The following SATL1 variants were observed in gnomAD, a reference collection of about 807,000 sequenced individuals.
SATL1 encodes spermidine/spermine N1-acetyl transferase like 1.
In SATL1, 47 loss-of-function variants were observed where a neutral mutation model predicts 51.8. That is an observed-to-expected ratio of 0.91 (90% CI 0.72 to 1.16). The LOEUF is 1.16. SATL1 is among the 50% of genes most tolerant of loss of function. The pLI is 0.00. For missense variants in SATL1, 520 were observed against 526.4 expected, an observed-to-expected ratio of 0.99 and a Z score of 0.12; for synonymous variants, 176 against 182.4, an observed-to-expected ratio of 0.97 and a Z score of 0.28.
At chrX:85,098,645 T>C (rs947072826) in intron 4 of SATL1, among the ~76,000 whole-genome samples, 1 of 110,884 alleles carries the variant, frequency 9.0e-6, no homozygotes, top group African/African-American at 3.3e-5. Context: ...TAGAAATCAG[T>C]GGGAAAAAAA....
chrX:85,156,140 C>T (rs978222939), intron 2 of SATL1, among the ~76,000 whole-genome samples: 2 of 111,425 alleles, frequency 1.8e-5, no homozygotes, highest in Non-Finnish European at 3.8e-5. Flanking sequence ...CTTAAGTAAA[C>T]CACTTTGAAC....
chrX:85,141,948 T>C (rs1460294941), intron 2 of SATL1, among the ~76,000 whole-genome samples: 1 of 106,535 alleles, frequency 9.4e-6, no homozygotes, highest in African/African-American at 3.4e-5. Flanking sequence ...TATATTTTCA[T>C]AATATTGTAC....
At chrX:85,132,480 G>A (rs1449926936) in intron 2 of SATL1, among the ~76,000 whole-genome samples, 2 of 111,499 alleles carry the variant, frequency 1.8e-5, no homozygotes, top group Non-Finnish European at 3.8e-5. Flanking sequence ...TATTTCTCAT[G>A]CTGTGATTTT....
At chrX:85,217,993 C>T (rs1928085745) in intron 2 of SATL1, among the ~76,000 whole-genome samples, 1 of 111,469 alleles carries the variant, frequency 9.0e-6, no homozygotes, top group African/African-American at 3.3e-5. Context: ...TCACCATTAT[C>T]CTAAGCAAAC....
rs749574125 is a variant in SATL1 at position 85,107,356 on chromosome X, T to C, written c.1613A>G (p.Asp538Gly). 2.6e-5 allele frequency: 32 copies of C among 1,210,637 alleles called. No homozygotes were observed. The Admixed American group carries it at 3.1e-4, about 12-fold the overall frequency. ...AATCAGTCGCAAAATTTCTGGGCAG[T>C]CTCCAGCCTCTGCATGTCTTATTTG... is the stretch of plus-strand genomic sequence containing the variant. ...YFQIRHAEAG[D>G]CPEILRLIKE... Residue 538 changes from aspartate to glycine, a missense_variant, in exon 3 of 8, where the codon GAC becomes GGC. Transcript: ENST00000644105.
chrX:85,180,590 C>A (rs1027823929), intron 2 of SATL1, among the ~76,000 whole-genome samples: 7 of 111,514 alleles, frequency 6.3e-5, no homozygotes, highest in African/African-American at 2.3e-4. Context: ...CCTTATGTGG[C>A]AAATTACTAT....
chrX:85,204,663 G>T lies in SATL1; in HGVS notation c.-313+19542C>A, dbSNP rs983965672. On this transcript the variant is annotated intron_variant, in intron 2 of 7. Coordinates refer to ENST00000644105, the MANE Select transcript of SATL1 (RefSeq NM_001367857.2). ...TGTTGGAGTAATCCTAGAGTAGGGG[G>T]TTGAAGACTAATTACCTCTTTGACT... Among the ~76,000 whole-genome samples the T allele has an allele frequency of 4.3e-4, 48 of 111,359 alleles. 1 individual carries two copies. Among genetic ancestry groups the T allele is most frequent in the Non-Finnish European group, 1.7e-4 (9 of 52,996 alleles).
At chrX:85,130,486 G>A (rs771150329) in intron 2 of SATL1, among the ~76,000 whole-genome samples, 1 of 111,237 alleles carries the variant, frequency 9.0e-6, no homozygotes, top group African/African-American at 3.3e-5. Flanking sequence ...TGGGATCGGT[G>A]GTGATATCTC....
Position 85,183,223 on chromosome X carries a change from T to G in SATL1, c.-313+40982A>C, listed in dbSNP as rs763868878. Among the ~76,000 whole-genome samples the G allele has an allele frequency of 5.4e-5, 6 of 110,973 alleles. No individual in the cohort carries two copies. In the East Asian group the frequency reaches 1.4e-3, roughly 26 times the overall value. ...TATAGTTTCGGGTTCTATATTTAGGTCTCTCTTCCATTTTGAGTTGATTTT... is the reference window on the plus strand; with the variant it reads ...TATAGTTTCGGGTTCTATATTTAGGGCTCTCTTCCATTTTGAGTTGATTTT... On this transcript the variant is annotated intron_variant, in intron 2 of 7. Coordinates refer to ENST00000644105, the MANE Select transcript of SATL1 (RefSeq NM_001367857.2).
chrX:85,216,699 T>C, intron 2 of SATL1, among the ~76,000 whole-genome samples: 1 of 111,366 alleles, frequency 9.0e-6, no homozygotes. Flanking sequence ...TAAATAACAA[T>C]GTATTCAAGA....
intron 2 of SATL1, among the ~76,000 whole-genome samples, chrX:85,201,265 G>A (rs1927680892): frequency 1.8e-5 from 2 of 110,955 alleles, no homozygotes; most frequent in African/African-American, 6.6e-5. Context: ...ACATTTCTAT[G>A]CTTCTGGCAA....
At chrX:85,200,984 A>T (rs1165602310) in intron 2 of SATL1, among the ~76,000 whole-genome samples, 1 of 111,209 alleles carries the variant, frequency 9.0e-6, no homozygotes, top group Non-Finnish European at 1.9e-5. Flanking sequence ...TTCTCTCAGG[A>T]TTTAAATTCT....
chrX:85,093,542 A>T (rs1204416851), intron 6 of SATL1, among the ~76,000 whole-genome samples: 1 of 112,334 alleles, frequency 8.9e-6, no homozygotes, highest in African/African-American at 3.2e-5. Flanking sequence ...TTTTAAAGAT[A>T]AAAGTATAGC....
At chrX:85,096,149 T>C (rs1169825010) in intron 4 of SATL1, among the ~76,000 whole-genome samples, 1 of 110,768 alleles carries the variant, frequency 9.0e-6, no homozygotes, top group African/African-American at 3.3e-5. Flanking sequence ...CCCAGAGAGA[T>C]AAGACATGCA....
intron 1 of SATL1, among the ~76,000 whole-genome samples, chrX:85,242,002 G>A (rs956439884): frequency 4.5e-5 from 5 of 112,152 alleles, no homozygotes; most frequent in Non-Finnish European, 9.4e-5. Flanking sequence ...ATCCAGTTAA[G>A]AAGGCATGTG....
Position 85,120,224 on chromosome X carries a change from G to T in SATL1, c.-312-10944C>A, listed in dbSNP as rs866657525. 3.1e-4 allele frequency among the ~76,000 whole-genome samples: 35 copies of T among 111,156 alleles called. No individual in the cohort carries two copies. In the Admixed American group the frequency reaches 3.2e-3, roughly 10 times the overall value. ...CAGATACTACAGCTGTGACCCCAGA[G>T]AAATTTTTATATTCCCTTTATTTGT... On this transcript the variant is annotated intron_variant, in intron 2 of 7. Coordinates refer to ENST00000644105, the MANE Select transcript of SATL1 (RefSeq NM_001367857.2).
intron 2 of SATL1, among the ~76,000 whole-genome samples, chrX:85,168,133 T>G (rs1926888124): frequency 9.0e-6 from 1 of 110,612 alleles, no homozygotes; most frequent in South Asian, 3.8e-4. Context: ...AGAATATACC[T>G]CAAAATAATA....
chrX:85,130,582 G>C (rs959282566), intron 2 of SATL1, among the ~76,000 whole-genome samples: 4 of 110,780 alleles, frequency 3.6e-5, no homozygotes, highest in Non-Finnish European at 5.7e-5. Context: ...TTTTGTTGAT[G>C]TTTTCAAAAA....
chrX:85,110,537 T>C (rs766572102), intron 2 of SATL1, among the ~76,000 whole-genome samples: 3 of 112,035 alleles, frequency 2.7e-5, no homozygotes, highest in Non-Finnish European at 5.6e-5. Context: ...AACCCTGTGA[T>C]GCATGTACCG....
Sources: gnomAD v4.1 joint callset for allele counts (sites outside exome capture counted in the v4.1 genomes callset) on GRCh38, gnomAD v4.1.1 for gene constraint, MANE v1.5 for transcripts, NCBI Gene and HGNC (gene_info 2026-07-23, HGNC 2026-07-21) for gene names.